GBE1: variants seen among roughly 807,000 people sequenced by gnomAD.
The protein encoded by GBE1 is 1,4-alpha-glucan branching enzyme 1.
In GBE1, 70 loss-of-function variants were observed where a neutral mutation model predicts 88.8. That is an observed-to-expected ratio of 0.79 (90% CI 0.65 to 0.96). The LOEUF (loss-of-function observed/expected upper bound fraction) is 0.96, where lower values mean the gene tolerates loss of function less well. GBE1 is among the 40% of genes least tolerant of loss of function. The pLI, the probability that GBE1 is intolerant of heterozygous loss-of-function variation, is 0.00. For synonymous variants in GBE1, 284 were observed against 300.1 expected, an observed-to-expected ratio of 0.95 and a Z score of 0.56; for missense variants, 872 against 871.0, an observed-to-expected ratio of 1.00 and a Z score of -0.01.
Position 81,536,994 on chromosome 3 carries a change from G to GGTCGTC in GBE1, c.1714_1719dup (p.Asp572_Asp573dup). On this transcript the variant is annotated inframe_insertion, in exon 13 of 16. Transcript: ENST00000429644. ...TTATTTAGGAACTTGTAGCGAAGAA[G>GGTCGTC]GTCGTCGTCAGTTAAATGAAACTGC... 1 of 1,591,614 alleles carries GGTCGTC rather than the reference G, an allele frequency of 6.3e-7. No individual in the cohort carries two copies. The highest frequency in any genetic ancestry group is 1.2e-5 in the South Asian group (1 of 86,616).
chr3:81,490,537 G>C, intron 15 of GBE1, 74 bp from the exon 16 acceptor site: 1 of 1,183,376 alleles, frequency 8.5e-7, no homozygotes, highest in Non-Finnish European at 1.3e-6. Flanking sequence ...AAGAAACATA[G>C]GCATGACGCA....
At chr3:81,613,181 C>A in intron 7 of GBE1, 1 of 254,878 alleles carries the variant, frequency 3.9e-6, no homozygotes, top group Non-Finnish European at 7.3e-6. Flanking sequence ...TCCTCAGTCA[C>A]CCTGTTCTTG....
At chr3:81,630,156 G>A (rs1476628197) in intron 7 of GBE1, among the ~76,000 whole-genome samples, 1 of 152,060 alleles carries the variant, frequency 6.6e-6, no homozygotes, top group Non-Finnish European at 1.5e-5. Flanking sequence ...TTGCTATTGT[G>A]AATAGTGCCA....
rs944967160 is a variant in GBE1, at chr3:81,761,609, G to A, written c.-92C>T. 10 of 1,462,764 alleles carry A rather than the reference G, an allele frequency of 6.8e-6. No individual in the cohort carries two copies. The highest frequency in any genetic ancestry group is 9.1e-6 in the Non-Finnish European group (10 of 1,095,530). The allele number at this position is 1,462,764 out of a possible 1,614,324, so 90.6% of individuals were successfully genotyped here. A position where few individuals can be genotyped will look rare whatever the true frequency, so the allele number is the denominator to read the frequency against. On this transcript the variant is annotated 5_prime_UTR_variant, in exon 1 of 16. Coordinates refer to ENST00000429644, the MANE Select transcript of GBE1 (RefSeq NM_000158.4). ...CTAGCTGGGACGCGGCGGCTAGGGC[G>A]GAGCCGGAGGGCGCCTAGGCGTGTC...
intron 7 of GBE1, among the ~76,000 whole-genome samples, chr3:81,621,893 A>T (rs1435291056): frequency 6.6e-6 from 1 of 152,162 alleles, no homozygotes; most frequent in African/African-American, 2.4e-5. Context: ...AGCAATTAAA[A>T]AGCATCAACA....
intron 2 of GBE1, among the ~76,000 whole-genome samples, chr3:81,693,698 T>C (rs1705553445): frequency 6.6e-6 from 1 of 152,142 alleles, no homozygotes; most frequent in Non-Finnish European, 1.5e-5. Context: ...ATCTTTCATA[T>C]AGTCTTCTAA....
intron 12 of GBE1, among the ~76,000 whole-genome samples, chr3:81,558,373 A>G (rs1275466053): frequency 1.3e-5 from 2 of 152,064 alleles, no homozygotes; most frequent in Non-Finnish European, 2.9e-5. Flanking sequence ...TTTAAAAACA[A>G]AAACAACTTA....
intron 12 of GBE1, among the ~76,000 whole-genome samples, chr3:81,577,113 T>C (rs1703659160): frequency 1.3e-5 from 2 of 151,942 alleles, no homozygotes; most frequent in South Asian, 4.2e-4. Context: ...ATTTTTTTTT[T>C]CTTCTTTTGG....
intron 8 of GBE1, among the ~76,000 whole-genome samples, chr3:81,592,637 T>C (rs974329041): frequency 3.9e-5 from 6 of 152,150 alleles, no homozygotes; most frequent in Admixed American, 2.6e-4. Context: ...AGAATGTTTT[T>C]CTTTAACCAT....
intron 3 of GBE1, among the ~76,000 whole-genome samples, chr3:81,653,055 TAA>T (rs1704873561): frequency 6.6e-6 from 1 of 152,172 alleles, no homozygotes; most frequent in South Asian, 2.1e-4. Context: ...AGCTAATGTT[TAA>T]AAGAGTTCAC....
intron 9 of GBE1, among the ~76,000 whole-genome samples, chr3:81,586,621 T>C (rs1703805978): frequency 6.6e-6 from 1 of 152,160 alleles, no homozygotes; most frequent in African/African-American, 2.4e-5. Flanking sequence ...CACTAGCTTT[T>C]GATGAAATGG....
At chr3:81,719,343 A>C (rs1258924539) in intron 1 of GBE1, among the ~76,000 whole-genome samples, 1 of 152,068 alleles carries the variant, frequency 6.6e-6, no homozygotes, top group African/African-American at 2.4e-5. Context: ...CAGCCTCCCA[A>C]GTAGCTGGGA....
intron 2 of GBE1, among the ~76,000 whole-genome samples, chr3:81,675,680 T>C (rs1705242385): frequency 6.6e-6 from 1 of 152,084 alleles, no homozygotes; most frequent in South Asian, 2.1e-4. Context: ...CATATTCCTG[T>C]CTACTCTTCA....
chr3:81,591,725 T>A (rs933800597), intron 8 of GBE1, among the ~76,000 whole-genome samples: 1 of 152,130 alleles, frequency 6.6e-6, no homozygotes, highest in Non-Finnish European at 1.5e-5. Context: ...TATAGTATAT[T>A]TCACTTACTT....
chr3:81,494,466 T>C (rs1702476803), intron 15 of GBE1, among the ~76,000 whole-genome samples: 2 of 152,216 alleles, frequency 1.3e-5, no homozygotes, highest in Non-Finnish European at 2.9e-5. Context: ...TTTAAGTAGA[T>C]TTAAACACAA....
chr3:81,759,166 C>T (rs1706642901), intron 1 of GBE1, among the ~76,000 whole-genome samples: 1 of 152,122 alleles, frequency 6.6e-6, no homozygotes, highest in African/African-American at 2.4e-5. Flanking sequence ...TTATCAGCAG[C>T]ATGAAAACGG....
At chr3:81,653,123 T>C (rs1047121003) in intron 3 of GBE1, among the ~76,000 whole-genome samples, 1 of 152,110 alleles carries the variant, frequency 6.6e-6, no homozygotes, top group Non-Finnish European at 1.5e-5. Context: ...TAAAGCAGTA[T>C]AAAATTTCTG....
At position 81,586,081 on chromosome 3, in the gene GBE1, T is replaced by A. The variant is rs756512672; in HGVS notation, c.1335+11A>T. 9.1e-6 allele frequency: 14 copies of A among 1,534,996 alleles called. No homozygotes were observed. The African/African-American group carries it at 1.8e-4, about 20-fold the overall frequency. ...TTCACAGAAACAAAAAATATTTACA[T>A]GGACTCTTACCTGAATCCACTTATC... On this transcript the variant is annotated intron_variant, in intron 10 of 15. Coordinates refer to ENST00000429644, the MANE Select transcript of GBE1 (RefSeq NM_000158.4).
rs367692836 is a variant in GBE1, at chr3:81,739,344, T to C, written c.143+22031A>G. On this transcript the variant is annotated intron_variant, in intron 1 of 15. Transcript: ENST00000429644. ...GTGATTTTATATATGTAAAGCAAAA[T>C]ATTTCATGTGAAACTCATTAAAACT... 2.3e-4 allele frequency among the ~76,000 whole-genome samples: 35 copies of C among 150,716 alleles called. No homozygotes were observed. In the South Asian group the frequency reaches 7.3e-3, roughly 31 times the overall value.
Sources: allele counts gnomAD v4.1 joint callset (sites outside exome capture counted in the v4.1 genomes callset), GRCh38; gene constraint gnomAD v4.1.1; transcripts MANE v1.5; gene names NCBI Gene and HGNC (gene_info 2026-07-23, HGNC 2026-07-21).